The following CCDC149 variants were observed in gnomAD, a reference collection of about 807,000 sequenced individuals.
CCDC149 encodes coiled-coil domain containing 149.
A neutral mutation model predicts 59.9 loss-of-function variants in CCDC149; 45 were observed. The ratio of observed to expected loss-of-function variants is 0.75; its 90% confidence interval spans 0.59 to 0.96. The LOEUF (loss-of-function observed/expected upper bound fraction) is 0.96, where lower values mean the gene tolerates loss of function less well. Ranked by LOEUF, CCDC149 falls within the 40% of genes least tolerant of loss-of-function variation. CCDC149 has a pLI of 0.00. For missense variants in CCDC149, 584 were observed against 664.7 expected (o/e 0.88, Z 1.33); for synonymous variants, 245 against 260.6 (o/e 0.94, Z 0.58).
chr4:24,853,341 C>T (rs1717787769), intron 3 of CCDC149, 162 bp from the exon 4 acceptor site: 2 of 622,174 alleles, frequency 3.2e-6, no homozygotes, highest in Non-Finnish European at 5.7e-6. Flanking sequence ...TGAATCACAC[C>T]ACTACAATGG....
intron 1 of CCDC149, among the ~76,000 whole-genome samples, chr4:24,935,232 C>T (rs557598441): frequency 1.4e-4 from 21 of 152,128 alleles, no homozygotes; most frequent in African/African-American, 4.3e-4. Flanking sequence ...TGAAAGAAAG[C>T]GCATAATTCA....
At chr4:24,873,581 C>A in intron 3 of CCDC149, 100 bp downstream of exon 3, 1 of 831,840 alleles carries the variant, frequency 1.2e-6, no homozygotes, top group East Asian at 2.5e-5. Flanking sequence ...GAAAGAATTC[C>A]AGGAAATTAA....
At chr4:24,933,339 G>A (rs1259238894) in intron 1 of CCDC149, among the ~76,000 whole-genome samples, 2 of 152,144 alleles carry the variant, frequency 1.3e-5, no homozygotes, top group Non-Finnish European at 2.9e-5. Flanking sequence ...ATCTTAAAAT[G>A]TACTGCAGAT....
rs111689568 is a variant in CCDC149, at chr4:24,938,774, C to T, written c.-65+41295G>A. On this transcript the variant is annotated intron_variant, in intron 1 of 12. Coordinates refer to the CCDC149 transcript ENST00000389609. ...CCCGCACATGGCTCGGAGGGTCCTACGCCCACGGAGCCTCACTCATTGTTA... is the reference window on the plus strand; with the variant it reads ...CCCGCACATGGCTCGGAGGGTCCTATGCCCACGGAGCCTCACTCATTGTTA... 3.5e-3 allele frequency among the ~76,000 whole-genome samples: 528 copies of T among 152,300 alleles called. 1 individual carries two copies. The highest frequency in any genetic ancestry group is 4.7e-3 in the Non-Finnish European group (318 of 68,034).
chr4:24,978,206 G>A (rs758186873), intron 1 of CCDC149, among the ~76,000 whole-genome samples: 6 of 152,216 alleles, frequency 3.9e-5, no homozygotes, highest in Non-Finnish European at 7.3e-5. Context: ...CTGTTACTGA[G>A]CATGTAAAAT....
intron 1 of CCDC149, among the ~76,000 whole-genome samples, chr4:24,955,430 C>A (rs1039840650): frequency 2.0e-5 from 3 of 152,048 alleles, no homozygotes; most frequent in African/African-American, 7.2e-5. Context: ...TTGGAGAGGA[C>A]ACATTAAAAC....
chr4:24,943,901 C>T (rs1372097229), intron 1 of CCDC149, among the ~76,000 whole-genome samples: 3 of 152,168 alleles, frequency 2.0e-5, no homozygotes, highest in Non-Finnish European at 4.4e-5. Context: ...AGTCAGGAAA[C>T]AGGTGCTGGA....
At chr4:24,827,505 A>G (rs1715836853) in intron 9 of CCDC149, 1 of 152,278 alleles carries the variant, frequency 6.6e-6, no homozygotes, top group East Asian at 1.9e-4. Context: ...ATGGTAAGGC[A>G]TGGGCCTGGG....
chr4:24,804,002 C>G (rs1221768780), downstream of CCDC149, among the ~76,000 whole-genome samples: 2 of 152,136 alleles, frequency 1.3e-5, no homozygotes, highest in African/African-American at 4.8e-5. Context: ...TCTCTCTGAT[C>G]TACAAATTTT....
intron 1 of CCDC149, among the ~76,000 whole-genome samples, chr4:24,970,525 A>T (rs919699140): frequency 6.6e-6 from 1 of 152,122 alleles, no homozygotes; most frequent in African/African-American, 2.4e-5. Flanking sequence ...ACTGAGAAAC[A>T]CTGGGGTAAC....
chr4:24,875,299 C>T (rs969436290), intron 2 of CCDC149, among the ~76,000 whole-genome samples: 9 of 149,832 alleles, frequency 6.0e-5, no homozygotes, highest in Non-Finnish European at 8.9e-5. Flanking sequence ...CACTGCACTC[C>T]AGCCTGGGCC....
chr4:24,896,455 C>T (rs748208323), intron 1 of CCDC149, among the ~76,000 whole-genome samples: 3 of 152,082 alleles, frequency 2.0e-5, no homozygotes, highest in Non-Finnish European at 4.4e-5. Flanking sequence ...GAGAGTCAAC[C>T]GTGGGTAGCA....
chr4:24,907,169 A>C (rs1454515341), intron 1 of CCDC149, among the ~76,000 whole-genome samples: 1 of 152,180 alleles, frequency 6.6e-6, no homozygotes, highest in Non-Finnish European at 1.5e-5. Context: ...TCACTGTTCC[A>C]CTGCTGCCTT....
At chr4:24,872,893 G>C (rs1274567615) in intron 3 of CCDC149, among the ~76,000 whole-genome samples, 1 of 150,846 alleles carries the variant, frequency 6.6e-6, no homozygotes, top group African/African-American at 2.4e-5. Flanking sequence ...CCATTGAATG[G>C]TATGCACCCA....
intron 1 of CCDC149, among the ~76,000 whole-genome samples, chr4:24,909,091 A>C (rs1306740860): frequency 6.6e-6 from 1 of 152,188 alleles, no homozygotes; most frequent in Non-Finnish European, 1.5e-5. Context: ...GCCTGAAAGA[A>C]GGCTGTAATT....
intron 3 of CCDC149, among the ~76,000 whole-genome samples, chr4:24,870,412 CA>C (rs2109230707): frequency 6.6e-6 from 1 of 152,268 alleles, no homozygotes; most frequent in Admixed American, 6.5e-5. Context: ...ATTGTTCAAG[CA>C]GTTTAGAATT....
chr4:24,941,950 C>T (rs1211066538), intron 1 of CCDC149, among the ~76,000 whole-genome samples: 3 of 152,268 alleles, frequency 2.0e-5, no homozygotes, highest in African/African-American at 4.8e-5. Flanking sequence ...GATTCACAGC[C>T]GAATTCTACC....
chr4:24,927,513 G>A (rs553599807), intron 1 of CCDC149, among the ~76,000 whole-genome samples: 1 of 152,166 alleles, frequency 6.6e-6, no homozygotes, highest in African/African-American at 2.4e-5. Flanking sequence ...TCAAGAACAC[G>A]ACTCAAACTT....
chr4:24,880,580 T>A (rs1199212950), intron 1 of CCDC149, among the ~76,000 whole-genome samples: 4 of 152,192 alleles, frequency 2.6e-5, no homozygotes, highest in Non-Finnish European at 5.9e-5. Context: ...CCATTTTTTA[T>A]CCCTGTGATT....
Sources: allele counts gnomAD v4.1 joint callset (sites outside exome capture counted in the v4.1 genomes callset), GRCh38; gene constraint gnomAD v4.1.1; transcripts MANE v1.5; gene names NCBI Gene and HGNC (gene_info 2026-07-23, HGNC 2026-07-21).